Variants in RIMS2 observed in about 807,000 individuals in gnomAD.
RIMS2 encodes the protein regulating synaptic membrane exocytosis 2.
A neutral mutation model predicts 174.4 loss-of-function variants in RIMS2; 59 were observed. That is an observed-to-expected ratio of 0.34 (90% CI 0.27 to 0.42). The LOEUF is 0.42. RIMS2 is among the 10% of genes least tolerant of loss of function. The probability of loss-of-function intolerance (pLI) is 1.00; values close to 1 mark genes in which losing one functional copy is unlikely to be tolerated. For missense variants in RIMS2, 1,620 were observed against 1,666.3 expected (o/e 0.97, Z 0.48); for synonymous variants, 606 against 572.5 (o/e 1.06, Z -0.84).
chr8:103,529,654 G>A (rs1473258794), intron 1 of RIMS2, among the ~76,000 whole-genome samples: 2 of 152,172 alleles, frequency 1.3e-5, no homozygotes, highest in Non-Finnish European at 2.9e-5. Context: ...TGTCCGACAA[G>A]CCCCAGTGAG....
At chr8:104,186,013 G>GAT (rs958879257) in intron 19 of RIMS2, among the ~76,000 whole-genome samples, 3 of 151,326 alleles carry the variant, frequency 2.0e-5, no homozygotes, top group African/African-American at 7.3e-5. Context: ...GATAAAATGT[G>GAT]ATATATATAC....
chr8:103,546,793 C>T (rs901883608), intron 1 of RIMS2, among the ~76,000 whole-genome samples: 1 of 152,198 alleles, frequency 6.6e-6, no homozygotes, highest in Non-Finnish European at 1.5e-5. Flanking sequence ...CCCTGAGTCC[C>T]TGACTCCCAG....
chr8:103,820,814 G>C (rs184406126), intron 3 of RIMS2, among the ~76,000 whole-genome samples: 1 of 151,518 alleles, frequency 6.6e-6, no homozygotes, highest in Non-Finnish European at 1.5e-5. Flanking sequence ...TGAAATGTTA[G>C]GATATTCTAA....
intron 1 of RIMS2, among the ~76,000 whole-genome samples, chr8:103,636,343 G>T (rs1302781543): frequency 2.0e-5 from 3 of 152,134 alleles, no homozygotes; most frequent in East Asian, 1.9e-4. Flanking sequence ...GAAATTGTAA[G>T]TATCTATCAC....
intron 19 of RIMS2, among the ~76,000 whole-genome samples, chr8:104,146,577 A>T (rs1352920047): frequency 6.6e-6 from 1 of 152,228 alleles, no homozygotes; most frequent in Non-Finnish European, 1.5e-5. Flanking sequence ...TATGGCCTTG[A>T]TATTCAAACA....
At chr8:103,891,834 A>C (rs2099247757) in intron 4 of RIMS2, among the ~76,000 whole-genome samples, 1 of 152,072 alleles carries the variant, frequency 6.6e-6, no homozygotes, top group Non-Finnish European at 1.5e-5. Flanking sequence ...TGTAGAGAAG[A>C]CCTAGCATAG....
At chr8:104,201,751 C>G (rs115932771) in intron 19 of RIMS2, among the ~76,000 whole-genome samples, 3 of 152,002 alleles carry the variant, frequency 2.0e-5, no homozygotes, top group African/African-American at 7.2e-5. Flanking sequence ...GTGATTTGAA[C>G]GAGTTATAAT....
intron 16 of RIMS2, among the ~76,000 whole-genome samples, chr8:103,988,177 A>T (rs1302326260): frequency 6.6e-6 from 1 of 152,226 alleles, no homozygotes; most frequent in Non-Finnish European, 1.5e-5. Context: ...AACAGCAGCA[A>T]AATAGACATA....
chr8:103,521,808 G>A (rs1831814559), intron 1 of RIMS2, among the ~76,000 whole-genome samples: 1 of 151,140 alleles, frequency 6.6e-6, no homozygotes, highest in Non-Finnish European at 1.5e-5. Context: ...TCCCAAGAGT[G>A]GATAATTCAA....
At chr8:104,188,017 G>A (rs1189946827) in intron 19 of RIMS2, among the ~76,000 whole-genome samples, 1 of 151,644 alleles carries the variant, frequency 6.6e-6, no homozygotes, top group Non-Finnish European at 1.5e-5. Flanking sequence ...CAGGGAGTTG[G>A]GCTGCAGATA....
At chr8:104,104,471 A>G (rs1441736915) in intron 19 of RIMS2, among the ~76,000 whole-genome samples, 1 of 152,218 alleles carries the variant, frequency 6.6e-6, no homozygotes, top group Non-Finnish European at 1.5e-5. Flanking sequence ...GAGTGCTTGT[A>G]TAAATGTCAG....
chr8:104,051,783 A>G (rs1763323425), intron 19 of RIMS2, among the ~76,000 whole-genome samples: 1 of 152,216 alleles, frequency 6.6e-6, no homozygotes. Flanking sequence ...TGTGTAAATT[A>G]TCTAATAAGT....
At chr8:103,876,909 T>TACACACACAC (rs1554922575) in intron 3 of RIMS2, among the ~76,000 whole-genome samples, 1 of 66,112 alleles carries the variant, frequency 1.5e-5, no homozygotes, top group Admixed American at 1.6e-4. Flanking sequence ...TATATATATA[T>TACACACACAC]ACACACACAC....
intron 19 of RIMS2, among the ~76,000 whole-genome samples, chr8:104,229,609 T>C (rs1404630550): frequency 6.6e-6 from 1 of 152,190 alleles, no homozygotes; most frequent in Admixed American, 6.5e-5. Flanking sequence ...CCGTTGATTC[T>C]GTCTTTGCAT....
rs1159091280 is a variant in RIMS2 at position 103,672,571 on chromosome 8, G to A, written c.177-24515G>A. Among the ~76,000 whole-genome samples, 5 of 151,730 alleles carry A rather than the reference G, an allele frequency of 3.3e-5. No individual in the cohort carries two copies. The East Asian group carries it at 7.8e-4, about 24-fold the overall frequency. Reference sequence around the variant, plus strand: ...GGAAGAAGAGAGGATGGTGGGGAGAGGTGCCACACACTTTTAAAGATAACC... The same window carrying A: ...GGAAGAAGAGAGGATGGTGGGGAGAAGTGCCACACACTTTTAAAGATAACC... On this transcript the variant is annotated intron_variant, in intron 1 of 23. Coordinates refer to ENST00000504942, the Ensembl canonical transcript of RIMS2.
chr8:103,711,441 A>G (rs1288980374), intron 2 of RIMS2, among the ~76,000 whole-genome samples: 1 of 152,234 alleles, frequency 6.6e-6, no homozygotes, highest in Non-Finnish European at 1.5e-5. Context: ...GTGAATCATT[A>G]TAATAGCAAT....
At chr8:103,782,271 T>C (rs1165680671) in intron 3 of RIMS2, among the ~76,000 whole-genome samples, 1 of 152,152 alleles carries the variant, frequency 6.6e-6, no homozygotes, top group Non-Finnish European at 1.5e-5. Flanking sequence ...TCTTTTTTAA[T>C]TTAGCAGCAT....
chr8:103,718,813 G>A (rs940635060), intron 2 of RIMS2, among the ~76,000 whole-genome samples: 5 of 151,940 alleles, frequency 3.3e-5, no homozygotes, highest in Non-Finnish European at 7.4e-5. Flanking sequence ...GATTACAGGC[G>A]CCTGCCACCA....
chr8:104,146,355 G>C (rs979410033), intron 19 of RIMS2, among the ~76,000 whole-genome samples: 2 of 151,952 alleles, frequency 1.3e-5, no homozygotes, highest in African/African-American at 4.8e-5. Flanking sequence ...CCCTAGCCTG[G>C]GTGACAGAGC....
Sources: allele counts gnomAD v4.1 joint callset (sites outside exome capture counted in the v4.1 genomes callset), GRCh38; gene constraint gnomAD v4.1.1; transcripts MANE v1.5; gene names NCBI Gene and HGNC (gene_info 2026-07-23, HGNC 2026-07-21).